Variants in SYNDIG1 observed in about 807,000 individuals in gnomAD.
SYNDIG1 encodes synapse differentiation-inducing gene protein 1.
SYNDIG1 carries 9 observed loss-of-function variants against 19.4 expected under a neutral mutation model. The ratio of observed to expected loss-of-function variants is 0.46; its 90% confidence interval spans 0.28 to 0.81. The LOEUF (loss-of-function observed/expected upper bound fraction) is 0.81, where lower values mean the gene tolerates loss of function less well. Among genes scored for constraint, SYNDIG1 ranks in the 30% least tolerant of loss-of-function variants. SYNDIG1 has a pLI of 0.12. For missense variants in SYNDIG1, 311 were observed against 343.3 expected, an observed-to-expected ratio of 0.91 and a Z score of 0.74; for synonymous variants, 141 against 145.9, an observed-to-expected ratio of 0.97 and a Z score of 0.24.
intron 1 of SYNDIG1, among the ~76,000 whole-genome samples, chr20:24,519,500 A>G (rs2056958392): frequency 6.6e-6 from 1 of 152,196 alleles, no homozygotes; most frequent in African/African-American, 2.4e-5. Flanking sequence ...ATCATTTATG[A>G]TGTGAATGAT....
At chr20:24,546,659 G>T (rs886310135) in intron 2 of SYNDIG1, among the ~76,000 whole-genome samples, 2 of 152,192 alleles carry the variant, frequency 1.3e-5, no homozygotes, top group Non-Finnish European at 2.9e-5. Context: ...ATTGACCAGA[G>T]CAGGTCCCAC....
chr20:24,479,855 A>G (rs1466879211), intron 1 of SYNDIG1, among the ~76,000 whole-genome samples: 13 of 152,184 alleles, frequency 8.5e-5, no homozygotes, highest in African/African-American at 3.1e-4. Flanking sequence ...GATACAAGGC[A>G]AGGCTGTCCT....
At chr20:24,565,015 G>T (rs1245661532) in intron 2 of SYNDIG1, among the ~76,000 whole-genome samples, 1 of 152,176 alleles carries the variant, frequency 6.6e-6, no homozygotes, top group African/African-American at 2.4e-5. Context: ...TTCAGAAAAT[G>T]AGGTACCTGC....
intron 1 of SYNDIG1, among the ~76,000 whole-genome samples, chr20:24,483,723 T>C (rs2055866114): frequency 6.6e-6 from 1 of 152,178 alleles, no homozygotes; most frequent in South Asian, 2.1e-4. Flanking sequence ...TCACCACATA[T>C]TGAGTACTTG....
chr20:24,563,232 G>A (rs906163288), intron 2 of SYNDIG1, among the ~76,000 whole-genome samples: 10 of 152,180 alleles, frequency 6.6e-5, no homozygotes, highest in African/African-American at 2.2e-4. Flanking sequence ...TCTCTAATAT[G>A]TGTCTAAAGT....
chr20:24,605,037 CCAAGGT>C (rs1249245618), intron 3 of SYNDIG1, among the ~76,000 whole-genome samples: 4 of 152,240 alleles, frequency 2.6e-5, no homozygotes, highest in South Asian at 4.1e-4. Context: ...CACAGGGCAT[CCAAGGT>C]CATGGGCAGG....
chr20:24,641,143 G>A (rs542627928), intron 3 of SYNDIG1, among the ~76,000 whole-genome samples: 1 of 152,322 alleles, frequency 6.6e-6, no homozygotes, highest in East Asian at 1.9e-4. Flanking sequence ...TTACTCACTA[G>A]CTATGTGATC....
chr20:24,618,220 A>AGGGAGAGAGCCCGGGGAGAG (rs1316914650), intron 3 of SYNDIG1, among the ~76,000 whole-genome samples: 1 of 46,154 alleles, frequency 2.2e-5, no homozygotes, highest in African/African-American at 8.6e-5. Flanking sequence ...AGCCCGGGGA[A>AGGGAGAGAGCCCGGGGAGAG]GGGAGAGAGC....
intron 1 of SYNDIG1, among the ~76,000 whole-genome samples, chr20:24,505,497 A>G (rs1299888765): frequency 6.6e-6 from 1 of 152,226 alleles, no homozygotes; most frequent in Non-Finnish European, 1.5e-5. Flanking sequence ...GGTGGATTTT[A>G]GGAATCCACA....
At chr20:24,605,222 C>T (rs1345291898) in intron 3 of SYNDIG1, among the ~76,000 whole-genome samples, 1 of 152,182 alleles carries the variant, frequency 6.6e-6, no homozygotes, top group African/African-American at 2.4e-5. Context: ...ATCTACCTCC[C>T]TGGGTGAGTG....
chr20:24,570,942 A>G (rs2058130612), intron 2 of SYNDIG1, among the ~76,000 whole-genome samples: 1 of 152,198 alleles, frequency 6.6e-6, no homozygotes. Flanking sequence ...ACTATTACTC[A>G]GGAAAAAAAA....
intron 1 of SYNDIG1, among the ~76,000 whole-genome samples, chr20:24,533,249 C>T (rs114282041): frequency 0.025 from 3,767 of 152,074 alleles, 145 homozygotes; most frequent in African/African-American, 0.084. Flanking sequence ...CGTGTTTGTC[C>T]ACGTAGGCAC....
intron 2 of SYNDIG1, among the ~76,000 whole-genome samples, chr20:24,558,154 C>A (rs192942005): frequency 3.9e-5 from 6 of 152,290 alleles, no homozygotes; most frequent in African/African-American, 1.4e-4. Context: ...TTCGGTTCTT[C>A]ACTACTTTTT....
chr20:24,566,147 G>A (rs898936723), intron 2 of SYNDIG1, among the ~76,000 whole-genome samples: 3 of 152,096 alleles, frequency 2.0e-5, no homozygotes, highest in African/African-American at 7.2e-5. Flanking sequence ...CTGACCTGGA[G>A]GGGACTCTGC....
chr20:24,562,664 G>A (rs1324195624), intron 2 of SYNDIG1, among the ~76,000 whole-genome samples: 5 of 152,124 alleles, frequency 3.3e-5, no homozygotes, highest in Non-Finnish European at 7.4e-5. Flanking sequence ...AAGGGGTGCT[G>A]GCATCTATCC....
At chr20:24,510,348 C>T (rs1283762733) in intron 1 of SYNDIG1, among the ~76,000 whole-genome samples, 4 of 151,468 alleles carry the variant, frequency 2.6e-5, no homozygotes, top group Admixed American at 2.6e-4. Flanking sequence ...GCGGGCAGAT[C>T]ACCTGAGGTC....
rs150123293 is a variant in SYNDIG1 at position 24,605,525 on chromosome 20, A to G, written c.618+20532A>G. Among the ~76,000 whole-genome samples, 765 of 152,272 alleles carry G rather than the reference A, an allele frequency of 5.0e-3. 8 individuals are homozygous for G. The highest frequency in any genetic ancestry group is 0.017 in the African/African-American group (699 of 41,550). ...GTTTTGCAACTTCTGGATTTAAACA[A>G]TTCCATATAAATATTAATGATCTGG... On this transcript the variant is annotated intron_variant, in intron 3 of 3. Transcript: ENST00000376862.
chr20:24,551,930 C>T (rs1006856446), intron 2 of SYNDIG1, among the ~76,000 whole-genome samples: 5 of 152,140 alleles, frequency 3.3e-5, no homozygotes, highest in African/African-American at 1.2e-4. Flanking sequence ...GCCATGTGAA[C>T]AAGGAAAGAA....
intron 1 of SYNDIG1, among the ~76,000 whole-genome samples, chr20:24,518,542 G>A (rs1176155002): frequency 6.6e-6 from 1 of 152,104 alleles, no homozygotes; most frequent in Non-Finnish European, 1.5e-5. Flanking sequence ...TTTGTCTGGG[G>A]GTTCAGCTAA....
Sources: allele counts gnomAD v4.1 joint callset (sites outside exome capture counted in the v4.1 genomes callset), GRCh38; gene constraint gnomAD v4.1.1; transcripts MANE v1.5; gene names NCBI Gene and HGNC (gene_info 2026-07-23, HGNC 2026-07-21).